The following CFAP92 variants were observed in gnomAD, a reference collection of about 807,000 sequenced individuals.
CFAP92 encodes the protein uncharacterized protein CFAP92.
CFAP92 carries 86 observed loss-of-function variants against 106.3 expected under a neutral mutation model. The observed-to-expected ratio is 0.81, with a 90% CI of 0.68 to 0.97. The LOEUF is 0.97. CFAP92 is among the 50% of genes least tolerant of loss of function. CFAP92 has a pLI of 0.00. For synonymous variants in CFAP92, 477 were observed against 506.4 expected (o/e 0.94, Z 0.78); for missense variants, 1,204 against 1,283.8 (o/e 0.94, Z 0.95).
chr3:129,012,647 G>A, the CFAP92 span, among the ~76,000 whole-genome samples: 5 of 152,164 alleles, frequency 3.3e-5, no homozygotes, highest in Admixed American at 6.5e-5. Context: ...CTGTTGGCCC[G>A]GACCAGGGCA....
At chr3:128,925,715 T>C (rs181951821) in intron 12 of CFAP92, among the ~76,000 whole-genome samples, 69 of 152,244 alleles carry the variant, frequency 4.5e-4, no homozygotes, top group Non-Finnish European at 6.3e-4. Context: ...TAGAAACCCA[T>C]GGCAAGTTAA....
intron 4 of CFAP92, among the ~76,000 whole-genome samples, chr3:128,985,547 A>T (rs1943799843): frequency 6.6e-6 from 1 of 151,786 alleles, no homozygotes; most frequent in Admixed American, 6.6e-5. Context: ...CCCTTTACCC[A>T]CCCAAACTTT....
intron 15 of CFAP92, chr3:128,914,781 C>T (rs1203298379): frequency 1.3e-5 from 3 of 223,498 alleles, no homozygotes; most frequent in Non-Finnish European, 1.8e-5. Flanking sequence ...TGGCTGGACA[C>T]CTAGAGATCA....
In CFAP92 at chr3:128,978,068, T is replaced by C; in HGVS notation, c.785A>G (p.Glu262Gly). ...EHPPGKQEKT[E>G]KHPKSLQGSH... Reference sequence around the variant, plus strand: ...ACCTTGCAAAGACTTTGGGTGTTTTTCTGTTTTTTCTTGTTTTCCTGGCGG... The same window carrying C: ...ACCTTGCAAAGACTTTGGGTGTTTTCCTGTTTTTTCTTGTTTTCCTGGCGG... Residue 262 changes from glutamate (E) to glycine (G), a missense_variant, in exon 5 of 16, where the codon GAA becomes GGA. Coordinates refer to ENST00000645291, the MANE Select transcript of CFAP92 (RefSeq NM_001394090.1). 6.2e-7 allele frequency: 1 copy of C among 1,614,022 alleles called. No homozygotes were observed.
chr3:129,003,900 A>C (rs1944928969), upstream of CFAP92: 3 of 1,355,352 alleles, frequency 2.2e-6, no homozygotes, highest in East Asian at 3.2e-5. Context: ...GCTGCGGCGG[A>C]GGCCCGCGCT....
intron 15 of CFAP92, 109 bp downstream of exon 15, chr3:128,915,010 T>G: frequency 9.4e-7 from 1 of 1,069,278 alleles, no homozygotes. Flanking sequence ...ATAGAAAGTT[T>G]GGTTGATAGT....
intron 9 of CFAP92, among the ~76,000 whole-genome samples, chr3:128,961,097 T>C (rs944962661): frequency 6.6e-6 from 1 of 152,216 alleles, no homozygotes; most frequent in African/African-American, 2.4e-5. Flanking sequence ...TATTTTCTTC[T>C]GCAATGCCGC....
intron 15 of CFAP92, chr3:128,912,713 C>T (rs1401827025): frequency 1.9e-6 from 2 of 1,078,996 alleles, no homozygotes; most frequent in Non-Finnish European, 2.9e-6. Context: ...CAGGTTAAGC[C>T]TTTTGTTCCC....
chr3:128,964,441 CTACTCATA>C (rs1365921157), intron 9 of CFAP92, among the ~76,000 whole-genome samples: 1 of 152,232 alleles, frequency 6.6e-6, no homozygotes, highest in Non-Finnish European at 1.5e-5. Flanking sequence ...CCGTTCTCAA[CTACTCATA>C]CGTGCCCTGC....
chr3:128,931,472 C>CATATATATGTATGTATATATATGT (rs60585171), intron 12 of CFAP92, among the ~76,000 whole-genome samples: 1 of 147,550 alleles, frequency 6.8e-6, no homozygotes, highest in South Asian at 2.1e-4. Flanking sequence ...TATACACATA[C>CATATATATGTATGTATATATATGT]ATGTATATAT....
intron 12 of CFAP92, among the ~76,000 whole-genome samples, chr3:128,918,792 A>T (rs1246689816): frequency 1.3e-5 from 2 of 152,154 alleles, no homozygotes; most frequent in Non-Finnish European, 2.9e-5. Flanking sequence ...AAAAAGAAAG[A>T]TAGAATGTAT....
intron 12 of CFAP92, among the ~76,000 whole-genome samples, chr3:128,931,547 C>A: frequency 6.9e-6 from 1 of 144,642 alleles, no homozygotes. Flanking sequence ...ATATATATTA[C>A]ACAAGAGAAA....
At chr3:128,910,462 T>A in intron 15 of CFAP92, 129 bp from the exon 16 acceptor site, 1 of 913,454 alleles carries the variant, frequency 1.1e-6, no homozygotes, top group Non-Finnish European at 1.6e-6. Context: ...ACCCACTGTA[T>A]ACCAGGATCT....
At chr3:128,994,159 G>A (rs558584441), upstream of CFAP92, 49 of 985,638 alleles carry the variant, frequency 5.0e-5, no homozygotes, top group East Asian at 3.0e-3. Context: ...ACGCGAGGGC[G>A]TGCGGCCTGG....
In CFAP92 at chr3:128,910,281, T is replaced by TG; in HGVS notation, c.*17dup. On this transcript the variant is annotated 3_prime_UTR_variant, in exon 16 of 16. Transcript: ENST00000645291. ...GTGCAGGTTCACCATGCGGTGGCCG[T>TG]GGGAGGGTCTGTGCTGCTCAGGAGA... The TG allele has an allele frequency of 6.6e-7, 1 of 1,520,902 alleles. No homozygotes were observed. The highest frequency in any genetic ancestry group is 8.8e-7 in the Non-Finnish European group (1 of 1,136,142). 94.2% of individuals were successfully genotyped at this position (1,520,902 alleles called of 1,614,324 possible).
intron 4 of CFAP92, among the ~76,000 whole-genome samples, chr3:128,983,879 G>T (rs996597680): frequency 2.0e-5 from 3 of 152,222 alleles, no homozygotes; most frequent in Admixed American, 6.5e-5. Flanking sequence ...TTCTCTAAAG[G>T]CCCTGGGGCA....
intron 9 of CFAP92, among the ~76,000 whole-genome samples, chr3:128,962,662 A>G (rs1415080192): frequency 6.6e-6 from 1 of 152,042 alleles, no homozygotes; most frequent in Admixed American, 6.5e-5. Flanking sequence ...ATTAAAACCT[A>G]ATCATCCTTA....
the CFAP92 span, among the ~76,000 whole-genome samples, chr3:129,012,349 C>T: frequency 6.6e-6 from 1 of 152,126 alleles, no homozygotes; most frequent in Non-Finnish European, 1.5e-5. Flanking sequence ...CTGGGGTGTG[C>T]CTGCATTTGC....
chr3:128,941,830 G>A (rs1041219872), intron 10 of CFAP92, among the ~76,000 whole-genome samples: 2 of 152,140 alleles, frequency 1.3e-5, no homozygotes, highest in African/African-American at 4.8e-5. Flanking sequence ...GTTCAAAAAT[G>A]TCTAATTTCC....
Sources: gnomAD v4.1 joint callset for allele counts (sites outside exome capture counted in the v4.1 genomes callset) on GRCh38, gnomAD v4.1.1 for gene constraint, MANE v1.5 for transcripts, NCBI Gene and HGNC (gene_info 2026-07-23, HGNC 2026-07-21) for gene names.